The following IL1RAPL2 variants were observed in gnomAD, a reference collection of about 807,000 sequenced individuals.
IL1RAPL2 encodes interleukin 1 receptor accessory protein like 2, also known as X-linked interleukin-1 receptor accessory protein-like 2.
A neutral mutation model predicts 44.1 loss-of-function variants in IL1RAPL2; 3 were observed. The observed-to-expected ratio is 0.07, with a 90% CI of 0.03 to 0.18. IL1RAPL2 has a LOEUF of 0.18. IL1RAPL2 is among the 10% of genes least tolerant of loss of function. The pLI is 1.00. For missense variants in IL1RAPL2, 391 were observed against 496.4 expected, an observed-to-expected ratio of 0.79 and a Z score of 2.02; for synonymous variants, 181 against 178.8, an observed-to-expected ratio of 1.01 and a Z score of -0.10.
At chrX:104,997,904 T>G (rs1297685674) in intron 2 of IL1RAPL2, among the ~76,000 whole-genome samples, 1 of 110,722 alleles carries the variant, frequency 9.0e-6, no homozygotes, top group Non-Finnish European at 1.9e-5. Flanking sequence ...AGTTGATGAG[T>G]CAAGTAAGAA....
chrX:104,807,795 G>C (rs776249686), intron 2 of IL1RAPL2, among the ~76,000 whole-genome samples: 2 of 110,524 alleles, frequency 1.8e-5, no homozygotes, highest in South Asian at 3.8e-4. Flanking sequence ...ATTGGTCTCT[G>C]TATCTTTTTT....
chrX:104,650,579 A>G (rs1459257480), intron 1 of IL1RAPL2, among the ~76,000 whole-genome samples: 1 of 110,759 alleles, frequency 9.0e-6, no homozygotes, highest in Non-Finnish European at 1.9e-5. Context: ...ATTTGAATTG[A>G]GGCAGTTTGA....
intron 6 of IL1RAPL2, among the ~76,000 whole-genome samples, chrX:105,513,964 G>A (rs1185938218): frequency 1.8e-5 from 2 of 111,115 alleles, no homozygotes; most frequent in South Asian, 7.5e-4. Context: ...TAATGAAGGG[G>A]TCTTGTTTCA....
chrX:105,649,968 C>T (rs184199887), intron 6 of IL1RAPL2, among the ~76,000 whole-genome samples: 37 of 111,295 alleles, frequency 3.3e-4, no homozygotes, highest in Non-Finnish European at 5.3e-4. Flanking sequence ...GCCAAGCACG[C>T]AGAACACTGG....
At chrX:105,686,962 C>T (rs2037984074) in intron 6 of IL1RAPL2, among the ~76,000 whole-genome samples, 1 of 111,747 alleles carries the variant, frequency 8.9e-6, no homozygotes, top group Admixed American at 9.5e-5. Context: ...ACAACCTGCT[C>T]CTGAGTGACT....
rs1477431980 is a variant in IL1RAPL2, at chrX:104,826,629, G to A, written c.82+167634G>A. Among the ~76,000 whole-genome samples the A allele has an allele frequency of 4.5e-5, 5 of 111,091 alleles. No individual in the cohort carries two copies. In the East Asian group the frequency reaches 8.5e-4, roughly 19 times the overall value. ...GAGTACTGTAGATGTCTATTAGGTC[G>A]GCTTGGTCCAGAGCTGAGTTCAATT... On this transcript the variant is annotated intron_variant, in intron 2 of 10. Transcript: ENST00000372582.
At chrX:105,280,707 A>G (rs1376625517) in intron 5 of IL1RAPL2, among the ~76,000 whole-genome samples, 1 of 112,223 alleles carries the variant, frequency 8.9e-6, no homozygotes, top group East Asian at 2.8e-4. Context: ...GAGAAATGCA[A>G]ATCAAAACCA....
intron 1 of IL1RAPL2, among the ~76,000 whole-genome samples, chrX:104,588,436 G>A (rs754927382): frequency 1.7e-4 from 19 of 111,392 alleles, no homozygotes; most frequent in Non-Finnish European, 3.0e-4. Flanking sequence ...TGAAAATAGG[G>A]AAAGAACATT....
chrX:105,707,397 G>A (rs900751454), intron 6 of IL1RAPL2, among the ~76,000 whole-genome samples: 3 of 112,177 alleles, frequency 2.7e-5, no homozygotes, highest in Admixed American at 9.5e-5. Context: ...AAAATTAGTC[G>A]AATTGAACTA....
intron 6 of IL1RAPL2, among the ~76,000 whole-genome samples, chrX:105,665,755 TG>T (rs1431166756): frequency 1.1e-3 from 111 of 99,458 alleles, no homozygotes; most frequent in African/African-American, 4.0e-3. Context: ...TTTTTTTTTT[TG>T]TTGTTGTTGT....
intron 1 of IL1RAPL2, among the ~76,000 whole-genome samples, chrX:104,630,233 C>T (rs971426438): frequency 2.8e-5 from 3 of 108,896 alleles, no homozygotes; most frequent in Non-Finnish European, 3.8e-5. Flanking sequence ...CTGCAATCTC[C>T]GCCTCCTGGG....
intron 6 of IL1RAPL2, among the ~76,000 whole-genome samples, chrX:105,650,163 T>C (rs1358901334): frequency 9.0e-6 from 1 of 111,330 alleles, no homozygotes; most frequent in African/African-American, 3.3e-5. Flanking sequence ...CTATAGGTTG[T>C]TTTGCAGCAT....
At chrX:105,355,777 T>C (rs1279868219) in intron 5 of IL1RAPL2, among the ~76,000 whole-genome samples, 2 of 111,841 alleles carry the variant, frequency 1.8e-5, no homozygotes, top group Non-Finnish European at 3.8e-5. Flanking sequence ...CTTTTATAAT[T>C]ACTACCATTT....
intron 6 of IL1RAPL2, among the ~76,000 whole-genome samples, chrX:105,518,301 A>G (rs1017974351): frequency 1.8e-5 from 2 of 111,242 alleles, no homozygotes; most frequent in Admixed American, 1.9e-4. Context: ...CTTCACCTAT[A>G]TCCTGGGGAT....
intron 6 of IL1RAPL2, among the ~76,000 whole-genome samples, chrX:105,705,837 T>C (rs979735490): frequency 9.0e-6 from 1 of 111,627 alleles, no homozygotes; most frequent in Non-Finnish European, 1.9e-5. Context: ...AGATACTTGT[T>C]ATATGTTTGT....
intron 6 of IL1RAPL2, among the ~76,000 whole-genome samples, chrX:105,545,679 ATATGT>A (rs764801793): frequency 1.5e-4 from 17 of 111,202 alleles, no homozygotes; most frequent in Admixed American, 4.8e-4. Context: ...ATGCTCACCT[ATATGT>A]TATGAGTTTT....
intron 5 of IL1RAPL2, chrX:105,406,486 G>A: frequency 1.7e-6 from 2 of 1,202,405 alleles, no homozygotes; most frequent in African/African-American, 3.5e-5. Context: ...TATCCCGAAA[G>A]GAATTTGTCC....
In IL1RAPL2 at chrX:104,758,780, C is replaced by T. The variant is rs551105797; in HGVS notation, c.82+99785C>T. ...ATTAAGCAGTAAGTGTAATCCTCTC[C>T]CTGATGATCTGATGATCTACTTTAC... On this transcript the variant is annotated intron_variant, in intron 2 of 10. Transcript: ENST00000372582. Among the ~76,000 whole-genome samples the T allele has an allele frequency of 4.5e-5, 5 of 111,670 alleles. No homozygotes were observed. In the East Asian group the frequency reaches 1.1e-3, roughly 25 times the overall value.
At chrX:105,100,159 C>T (rs535834188) in intron 2 of IL1RAPL2, among the ~76,000 whole-genome samples, 1 of 111,764 alleles carries the variant, frequency 8.9e-6, no homozygotes, top group Non-Finnish European at 1.9e-5. Flanking sequence ...TTATAAATGA[C>T]AATTCATCAT....
Sources: allele counts gnomAD v4.1 joint callset (sites outside exome capture counted in the v4.1 genomes callset), GRCh38; gene constraint gnomAD v4.1.1; transcripts MANE v1.5; gene names NCBI Gene and HGNC (gene_info 2026-07-23, HGNC 2026-07-21).